Variants in ULK4 observed in about 807,000 individuals in gnomAD.
ULK4 encodes the protein unc-51 like kinase 4, also known as inactive serine/threonine-protein kinase ULK4.
In ULK4, 133 loss-of-function variants were observed where a neutral mutation model predicts 160.6. The observed-to-expected ratio is 0.83, with a 90% CI of 0.72 to 0.96. ULK4 has a LOEUF of 0.96. Among genes scored for constraint, ULK4 ranks in the 40% least tolerant of loss-of-function variants. ULK4 has a pLI of 0.00. For synonymous variants in ULK4, 534 were observed against 539.8 expected (o/e 0.99, Z 0.15); for missense variants, 1,580 against 1,499.5 (o/e 1.05, Z -0.89).
chr3:41,773,920 T>A (rs952503861), intron 21 of ULK4, among the ~76,000 whole-genome samples: 3 of 152,164 alleles, frequency 2.0e-5, no homozygotes, highest in African/African-American at 7.2e-5. Context: ...TAATGCCGCA[T>A]ATCTACAACT....
At chr3:41,568,859 C>G (rs1298286496) in intron 31 of ULK4, among the ~76,000 whole-genome samples, 3 of 152,202 alleles carry the variant, frequency 2.0e-5, no homozygotes, top group African/African-American at 4.8e-5. Flanking sequence ...AGGCTACACC[C>G]TCCTTCCCAC....
chr3:41,451,646 G>C (rs1177337517), intron 34 of ULK4, among the ~76,000 whole-genome samples: 3 of 152,032 alleles, frequency 2.0e-5, no homozygotes, highest in Non-Finnish European at 4.4e-5. Context: ...CCTCTGGCCA[G>C]AATCGTATGA....
intron 31 of ULK4, among the ~76,000 whole-genome samples, chr3:41,606,058 G>A (rs2032368522): frequency 1.3e-5 from 2 of 151,930 alleles, no homozygotes; most frequent in South Asian, 2.1e-4. Flanking sequence ...TGAAACTGAA[G>A]AGACAACACA....
At chr3:41,909,804 T>C (rs942695526) in intron 11 of ULK4, among the ~76,000 whole-genome samples, 2 of 152,142 alleles carry the variant, frequency 1.3e-5, no homozygotes, top group Admixed American at 6.5e-5. Flanking sequence ...GTAAAACATA[T>C]CAGGAATTTT....
intron 27 of ULK4, among the ~76,000 whole-genome samples, chr3:41,696,037 G>A (rs893674380): frequency 1.1e-4 from 16 of 152,296 alleles, no homozygotes; most frequent in Admixed American, 3.3e-4. Context: ...GCTGCCAAGC[G>A]GACCGTGGTC....
At chr3:41,443,972 A>G (rs2083232313) in intron 34 of ULK4, among the ~76,000 whole-genome samples, 1 of 152,102 alleles carries the variant, frequency 6.6e-6, no homozygotes, top group Admixed American at 6.6e-5. Flanking sequence ...ATAGATTAAC[A>G]AAGTTTTCAG....
intron 35 of ULK4, among the ~76,000 whole-genome samples, chr3:41,301,384 A>G (rs984602750): frequency 2.0e-5 from 3 of 152,226 alleles, no homozygotes; most frequent in Non-Finnish European, 4.4e-5. Context: ...GAATCTTCCC[A>G]GGACCCAAGA....
intron 35 of ULK4, among the ~76,000 whole-genome samples, chr3:41,346,916 C>T (rs1047529872): frequency 5.9e-5 from 9 of 152,124 alleles, no homozygotes; most frequent in Non-Finnish European, 1.0e-4. Flanking sequence ...CATATAGACT[C>T]GGTGCTTTTG....
chr3:41,506,992 T>C (rs572218408), intron 32 of ULK4, among the ~76,000 whole-genome samples: 5 of 149,920 alleles, frequency 3.3e-5, no homozygotes, highest in African/African-American at 1.2e-4. Flanking sequence ...TTTCAGTATA[T>C]TGCACATATA....
chr3:41,652,755 CT>C (rs1233397218), intron 30 of ULK4, among the ~76,000 whole-genome samples: 4 of 152,252 alleles, frequency 2.6e-5, no homozygotes, highest in Non-Finnish European at 5.9e-5. Flanking sequence ...AGAAATTGGA[CT>C]GTTCTTATAA....
At chr3:41,837,289 G>T (rs2041787242) in intron 17 of ULK4, among the ~76,000 whole-genome samples, 1 of 152,064 alleles carries the variant, frequency 6.6e-6, no homozygotes, top group South Asian at 2.1e-4. Flanking sequence ...AGACACATTT[G>T]GCATATGTAT....
intron 5 of ULK4, among the ~76,000 whole-genome samples, chr3:41,928,758 G>A (rs939768391): frequency 2.0e-5 from 3 of 151,928 alleles, no homozygotes; most frequent in African/African-American, 7.2e-5. Context: ...ATAAATTCCT[G>A]GACATATACA....
At chr3:41,254,703 G>A (rs1344963624) in intron 35 of ULK4, among the ~76,000 whole-genome samples, 4 of 151,956 alleles carry the variant, frequency 2.6e-5, no homozygotes, top group Non-Finnish European at 4.4e-5. Flanking sequence ...CCAACATGGT[G>A]AAACCCTGTC....
rs1575982679 is a variant in ULK4, at chr3:41,937,064, A to G, written c.238+1034T>C. 3 of 403,062 alleles carry G rather than the reference A, an allele frequency of 7.4e-6. No individual in the cohort carries two copies. The East Asian group carries it at 1.1e-4, about 15-fold the overall frequency. 25.0% of individuals were successfully genotyped at this position (403,062 alleles called of 1,614,324 possible). A position where few individuals can be genotyped will look rare whatever the true frequency, so the allele number is the denominator to read the frequency against. ...CATACTATATACCTACAAAAATTAA[A>G]TATTAATACAACAGCCAAATTCAGT... On this transcript the variant is annotated intron_variant, in intron 3 of 36. Coordinates refer to ENST00000301831, the MANE Select transcript of ULK4 (RefSeq NM_017886.4).
intron 35 of ULK4, among the ~76,000 whole-genome samples, chr3:41,262,294 C>T (rs1157206808): frequency 6.6e-6 from 1 of 152,170 alleles, no homozygotes; most frequent in African/African-American, 2.4e-5. Flanking sequence ...CCCAGGTTCC[C>T]AAGGAAATAG....
intron 31 of ULK4, among the ~76,000 whole-genome samples, chr3:41,586,278 T>C (rs1273458084): frequency 6.6e-6 from 1 of 152,124 alleles, no homozygotes; most frequent in East Asian, 1.9e-4. Flanking sequence ...CTAGGGAAAA[T>C]ATGTTCTATA....
intron 31 of ULK4, among the ~76,000 whole-genome samples, chr3:41,572,463 T>G (rs916280707): frequency 6.6e-6 from 1 of 152,068 alleles, no homozygotes; most frequent in South Asian, 2.1e-4. Flanking sequence ...GAGCCCTCAA[T>G]GTTTTTCATT....
At chr3:41,715,993 C>G (rs910495573) in intron 23 of ULK4, among the ~76,000 whole-genome samples, 2 of 151,560 alleles carry the variant, frequency 1.3e-5, no homozygotes, top group African/African-American at 4.8e-5. Context: ...GTGGGCAGAT[C>G]ACGAGGTCAG....
chr3:41,737,930 C>T (rs187055806), intron 22 of ULK4, among the ~76,000 whole-genome samples: 1 of 152,004 alleles, frequency 6.6e-6, no homozygotes, highest in Non-Finnish European at 1.5e-5. Flanking sequence ...CTAGCAGAAT[C>T]CATACTTTGG....
Sources: gnomAD v4.1 joint callset for allele counts (sites outside exome capture counted in the v4.1 genomes callset) on GRCh38, gnomAD v4.1.1 for gene constraint, MANE v1.5 for transcripts, NCBI Gene and HGNC (gene_info 2026-07-23, HGNC 2026-07-21) for gene names.